PARD3: variants seen among roughly 807,000 people sequenced by gnomAD.
PARD3 encodes par-3 family cell polarity regulator, also known as partitioning defective 3 homolog.
In PARD3, 75 loss-of-function variants were observed where a neutral mutation model predicts 155.4. The ratio of observed to expected loss-of-function variants is 0.48; its 90% CI spans 0.40 to 0.58. The LOEUF is 0.58. Ranked by LOEUF, PARD3 falls within the 20% of genes least tolerant of loss-of-function variation. The pLI is 0.00. For synonymous variants in PARD3, 576 were observed against 610.5 expected, an observed-to-expected ratio of 0.94 and a Z score of 0.83; for missense variants, 1,642 against 1,721.7, an observed-to-expected ratio of 0.95 and a Z score of 0.82.
At chr10:34,405,372 CAATTT>C (rs1359877972) in intron 5 of PARD3, among the ~76,000 whole-genome samples, 2 of 152,004 alleles carry the variant, frequency 1.3e-5, no homozygotes, top group African/African-American at 4.8e-5. Flanking sequence ...CCTTGCAAAA[CAATTT>C]AATATGAAAC....
At chr10:34,234,158 C>A (rs1227158308) in intron 22 of PARD3, among the ~76,000 whole-genome samples, 1 of 152,128 alleles carries the variant, frequency 6.6e-6, no homozygotes, top group Non-Finnish European at 1.5e-5. Context: ...TGATACGTAA[C>A]TACTTTGTAA....
At chr10:34,192,530 C>T (rs904322221) in intron 22 of PARD3, among the ~76,000 whole-genome samples, 6 of 152,102 alleles carry the variant, frequency 3.9e-5, no homozygotes, top group Non-Finnish European at 7.4e-5. Context: ...CTTAATGCTT[C>T]GTAAAAAAAA....
chr10:34,179,166 G>GCT (rs150884195), intron 22 of PARD3, among the ~76,000 whole-genome samples: 1 of 131,236 alleles, frequency 7.6e-6, no homozygotes, highest in Non-Finnish European at 1.6e-5. Flanking sequence ...ATGTGCGTGC[G>GCT]CGCACACACA....
intron 1 of PARD3, among the ~76,000 whole-genome samples, chr10:34,735,030 T>C (rs935838025): frequency 6.8e-6 from 1 of 147,934 alleles, no homozygotes; most frequent in Admixed American, 6.7e-5. Flanking sequence ...GATAAATTAA[T>C]AGGAAATTCT....
chr10:34,476,163 T>C (rs181882887), intron 3 of PARD3, among the ~76,000 whole-genome samples: 227 of 152,220 alleles, frequency 1.5e-3, no homozygotes, highest in Middle Eastern at 3.4e-3. Context: ...AAGGAACCAC[T>C]GAGCTTCCAT....
intron 1 of PARD3, among the ~76,000 whole-genome samples, chr10:34,754,960 G>A (rs769505924): frequency 1.1e-4 from 17 of 152,296 alleles, no homozygotes; most frequent in South Asian, 1.0e-3. Context: ...ACAAGACTAC[G>A]TGTAAGAAGT....
rs546356307 is a variant in PARD3, at chr10:34,710,960, G to A, written c.121-14541C>T. Among the ~76,000 whole-genome samples, 28 of 152,166 alleles carry A rather than the reference G, an allele frequency of 1.8e-4. No individual in the cohort carries two copies. In the East Asian group the frequency reaches 2.7e-3, roughly 15 times the overall value. The stretch of plus-strand genomic sequence containing the variant: ...GGAAGCCAGGGCAGGAGCATCACTC[G>A]ATGCCAGGAATTCAAGACCAGCCTG... On this transcript the variant is annotated intron_variant, in intron 1 of 24. Transcript: ENST00000374788.
chr10:34,544,865 T>C (rs771371354), intron 2 of PARD3, among the ~76,000 whole-genome samples: 2 of 152,214 alleles, frequency 1.3e-5, no homozygotes, highest in Non-Finnish European at 2.9e-5. Flanking sequence ...GGAGCACCTC[T>C]TGCTTAGTGA....
chr10:34,203,289 T>C (rs983307197), intron 22 of PARD3, among the ~76,000 whole-genome samples: 5 of 152,168 alleles, frequency 3.3e-5, no homozygotes, highest in African/African-American at 1.2e-4. Flanking sequence ...TAATCACCCA[T>C]AGCTCACACA....
At chr10:34,346,536 T>C in intron 15 of PARD3, 1 of 1,260,350 alleles carries the variant, frequency 7.9e-7, no homozygotes, top group Non-Finnish European at 1.0e-6. Flanking sequence ...TCAAGGGGAC[T>C]GAAATTTCAT....
chr10:34,124,546 C>T (rs887564420), intron 23 of PARD3, among the ~76,000 whole-genome samples: 10 of 152,146 alleles, frequency 6.6e-5, no homozygotes, highest in Admixed American at 2.0e-4. Flanking sequence ...TAACTTTTGT[C>T]TACCCATCGT....
At chr10:34,716,878 C>T (rs1247466380) in intron 1 of PARD3, among the ~76,000 whole-genome samples, 1 of 152,080 alleles carries the variant, frequency 6.6e-6, no homozygotes, top group Non-Finnish European at 1.5e-5. Context: ...AGGTGTGAGC[C>T]ACTGCACCCA....
intron 2 of PARD3, among the ~76,000 whole-genome samples, chr10:34,592,915 TC>T (rs911130332): frequency 8.5e-5 from 13 of 152,230 alleles, no homozygotes; most frequent in African/African-American, 2.9e-4. Context: ...CCATGTTTTT[TC>T]CTTCTTCCCT....
intron 14 of PARD3, among the ~76,000 whole-genome samples, chr10:34,351,086 T>C (rs966072796): frequency 6.6e-6 from 1 of 152,242 alleles, no homozygotes. Context: ...GTTGTGAGTA[T>C]GCATTAGCAA....
At chr10:34,723,548 T>G (rs918162792) in intron 1 of PARD3, among the ~76,000 whole-genome samples, 1 of 152,220 alleles carries the variant, frequency 6.6e-6, no homozygotes, top group East Asian at 1.9e-4. Flanking sequence ...TAAACTTCTT[T>G]GAGCTCATAT....
chr10:34,119,889 G>C (rs1946892062), intron 23 of PARD3, 149 bp from the exon 24 acceptor site: 1 of 704,464 alleles, frequency 1.4e-6, no homozygotes, highest in Non-Finnish European at 2.1e-6. Flanking sequence ...TTTGAGAAAA[G>C]TGGCATACAT....
chr10:34,160,158 A>C (rs1024210806), intron 22 of PARD3, among the ~76,000 whole-genome samples: 6 of 152,254 alleles, frequency 3.9e-5, no homozygotes, highest in Non-Finnish European at 8.8e-5. Context: ...CAATGCAGCA[A>C]TGCAAATAGA....
At chr10:34,653,659 T>C (rs1054735960) in intron 2 of PARD3, among the ~76,000 whole-genome samples, 1 of 152,058 alleles carries the variant, frequency 6.6e-6, no homozygotes, top group African/African-American at 2.4e-5. Flanking sequence ...GTGGTGCACC[T>C]GTGGTCCCAG....
intron 6 of PARD3, 23 bp from the exon 7 acceptor site, chr10:34,399,436 G>A: frequency 1.3e-6 from 2 of 1,509,852 alleles, no homozygotes; most frequent in Non-Finnish European, 1.8e-6. Flanking sequence ...GATGAATGAG[G>A]GAGCATGAAC....
Sources: allele counts gnomAD v4.1 joint callset (sites outside exome capture counted in the v4.1 genomes callset), GRCh38; gene constraint gnomAD v4.1.1; transcripts MANE v1.5; gene names NCBI Gene and HGNC (gene_info 2026-07-23, HGNC 2026-07-21).